The following CACNA2D3 variants were observed in gnomAD, a reference collection of about 807,000 sequenced individuals.
CACNA2D3 encodes the protein voltage-dependent calcium channel subunit alpha-2/delta-3.
A neutral mutation model predicts 160.6 loss-of-function variants in CACNA2D3; 60 were observed. That is an observed-to-expected ratio of 0.37 (90% confidence interval 0.30 to 0.46). The LOEUF is 0.46. Ranked by LOEUF, CACNA2D3 falls within the 20% of genes least tolerant of loss-of-function variation. The pLI, the probability that CACNA2D3 is intolerant of heterozygous loss-of-function variation, is 1.00. For missense variants in CACNA2D3, 1,205 were observed against 1,365.0 expected, an observed-to-expected ratio of 0.88 and a Z score of 1.85; for synonymous variants, 558 against 492.9, an observed-to-expected ratio of 1.13 and a Z score of -1.75.
chr3:54,301,930 TA>T (rs775793662), intron 2 of CACNA2D3, among the ~76,000 whole-genome samples: 4 of 152,192 alleles, frequency 2.6e-5, no homozygotes, highest in Non-Finnish European at 5.9e-5. Context: ...ATGTACATTA[TA>T]GAATATATAA....
chr3:54,384,453 A>G (rs562610087), intron 3 of CACNA2D3, among the ~76,000 whole-genome samples: 10 of 152,294 alleles, frequency 6.6e-5, no homozygotes, highest in Admixed American at 6.5e-4. Flanking sequence ...CTTTCTTTTT[A>G]TATATCACTG....
At position 54,816,879 on chromosome 3, in the gene CACNA2D3, T is replaced by C. The variant is rs770779317; in HGVS notation, c.1398+9T>C. 1.2e-6 allele frequency: 2 copies of C among 1,613,858 alleles called. No homozygotes were observed. The highest frequency in any genetic ancestry group is 1.7e-6 in the Non-Finnish European group (2 of 1,179,840). The stretch of plus-strand genomic sequence containing the variant: ...TCCCTCAGGCACAAAAGGTAAATTC[T>C]CTTCTGTCACATTCCAGTCACCCCC... On this transcript the variant is annotated intron_variant, in intron 14 of 37. Transcript: ENST00000474759.
At chr3:54,708,306 G>A (rs765591684) in intron 11 of CACNA2D3, among the ~76,000 whole-genome samples, 3 of 152,152 alleles carry the variant, frequency 2.0e-5, no homozygotes, top group Admixed American at 6.5e-5. Context: ...GATGGCAGGC[G>A]AAAACTGTTT....
At chr3:54,302,484 A>G (rs1703500796) in intron 2 of CACNA2D3, among the ~76,000 whole-genome samples, 1 of 152,174 alleles carries the variant, frequency 6.6e-6, no homozygotes, top group Non-Finnish European at 1.5e-5. Context: ...CAAGTATAAG[A>G]TGGAAAGAGC....
At chr3:54,448,994 A>G (rs1223809112) in intron 4 of CACNA2D3, among the ~76,000 whole-genome samples, 4 of 152,204 alleles carry the variant, frequency 2.6e-5, no homozygotes, top group Non-Finnish European at 1.5e-5. Context: ...TCTTGAATTT[A>G]TTTATTTTAG....
At chr3:54,461,502 T>C (rs1193434182) in intron 4 of CACNA2D3, among the ~76,000 whole-genome samples, 1 of 151,482 alleles carries the variant, frequency 6.6e-6, no homozygotes, top group Non-Finnish European at 1.5e-5. Flanking sequence ...GGTTTAGTCT[T>C]GGGAGGGTGT....
At chr3:54,502,102 T>C (rs1272977525) in intron 4 of CACNA2D3, among the ~76,000 whole-genome samples, 7 of 152,238 alleles carry the variant, frequency 4.6e-5, no homozygotes, top group Non-Finnish European at 7.3e-5. Flanking sequence ...ATATGATATG[T>C]GTAGATGTAA....
chr3:54,344,997 A>G (rs1272114947), intron 3 of CACNA2D3, among the ~76,000 whole-genome samples: 2 of 152,206 alleles, frequency 1.3e-5, no homozygotes, highest in Admixed American at 1.3e-4. Flanking sequence ...GAGCGCCATG[A>G]CAGTTTACAA....
Position 54,646,126 on chromosome 3 carries a change from T to TCTTC in CACNA2D3, c.1167+3907_1167+3910dup, listed in dbSNP as rs375699594. The stretch of plus-strand genomic sequence containing the variant: ...GTTTTCCTTCCTTCCTTCCTTCCTT[T>TCTTC]CTTCCTTCCTTCCTTCCTTCCTTCC... On this transcript the variant is annotated intron_variant, in intron 11 of 37. Coordinates refer to ENST00000474759, the MANE Select transcript of CACNA2D3 (RefSeq NM_018398.3). Among the ~76,000 whole-genome samples, 12 of 60,246 alleles carry TCTTC rather than the reference T, an allele frequency of 2.0e-4. 1 individual carries two copies. Among genetic ancestry groups the TCTTC allele is most frequent in the African/African-American group, 6.4e-4 (9 of 13,998 alleles). The allele number at this position is 60,246 out of a possible 152,430, so 39.5% of individuals were successfully genotyped here. A position where few individuals can be genotyped will look rare whatever the true frequency, so the allele number is the denominator to read the frequency against.
intron 11 of CACNA2D3, among the ~76,000 whole-genome samples, chr3:54,743,770 T>C (rs1701697303): frequency 6.6e-6 from 1 of 152,154 alleles, no homozygotes; most frequent in Admixed American, 6.5e-5. Flanking sequence ...TCTCAGTGTT[T>C]TGGAGGGCAA....
intron 27 of CACNA2D3, among the ~76,000 whole-genome samples, chr3:54,951,634 G>A (rs745510295): frequency 1.8e-4 from 27 of 151,854 alleles, no homozygotes; most frequent in Admixed American, 7.9e-4. Context: ...TGAGTCAGGC[G>A]TGCAGGGCTC....
At chr3:54,986,278 A>G (rs1280059893) in intron 30 of CACNA2D3, among the ~76,000 whole-genome samples, 1 of 152,076 alleles carries the variant, frequency 6.6e-6, no homozygotes, top group Non-Finnish European at 1.5e-5. Context: ...TCTCTGCTCT[A>G]TGTCTCCATG....
At chr3:54,362,221 G>A (rs529643435) in intron 3 of CACNA2D3, among the ~76,000 whole-genome samples, 2 of 152,152 alleles carry the variant, frequency 1.3e-5, no homozygotes, top group Admixed American at 6.5e-5. Flanking sequence ...AAGTGTCGGC[G>A]AGGACGAAGG....
At chr3:54,349,436 A>G (rs1053539687) in intron 3 of CACNA2D3, among the ~76,000 whole-genome samples, 2 of 152,212 alleles carry the variant, frequency 1.3e-5, no homozygotes, top group African/African-American at 4.8e-5. Flanking sequence ...GGAGCCTATC[A>G]GCAATACCAG....
At chr3:54,832,941 C>G (rs1703911245) in intron 14 of CACNA2D3, among the ~76,000 whole-genome samples, 1 of 152,174 alleles carries the variant, frequency 6.6e-6, no homozygotes, top group Non-Finnish European at 1.5e-5. Context: ...TCTCTGGGGT[C>G]ATGCCCTAGG....
chr3:54,548,094 G>C (rs191463057), intron 5 of CACNA2D3, among the ~76,000 whole-genome samples: 5 of 152,310 alleles, frequency 3.3e-5, no homozygotes, highest in Middle Eastern at 3.4e-3. Flanking sequence ...GAGTGACTGA[G>C]GAGGGGAACT....
chr3:54,427,717 A>G (rs1417192106), intron 4 of CACNA2D3, among the ~76,000 whole-genome samples: 1 of 152,218 alleles, frequency 6.6e-6, no homozygotes, highest in Non-Finnish European at 1.5e-5. Flanking sequence ...CTCAGGCACT[A>G]TGCTGATGAT....
Position 54,974,675 on chromosome 3 carries a change from C to T in CACNA2D3, c.2556+4831C>T, listed in dbSNP as rs569699810. ...TTGCAGGAAGATGCCTTTTTTAAAA[C>T]ATCAACTTCCCTCTGTGCTCTCCAC... On this transcript the variant is annotated intron_variant, in intron 29 of 37. Coordinates refer to ENST00000474759, the MANE Select transcript of CACNA2D3 (RefSeq NM_018398.3). Among the ~76,000 whole-genome samples the T allele has an allele frequency of 8.5e-4, 129 of 152,326 alleles. 1 individual carries two copies. The highest frequency in any genetic ancestry group is 3.0e-3 in the African/African-American group (125 of 41,578).
intron 27 of CACNA2D3, among the ~76,000 whole-genome samples, chr3:54,911,734 A>T (rs1056335679): frequency 1.3e-5 from 2 of 152,036 alleles, no homozygotes; most frequent in African/African-American, 2.4e-5. Flanking sequence ...TTTATTCTTC[A>T]TATGAGCCAC....
Sources: gnomAD v4.1 joint callset for allele counts (sites outside exome capture counted in the v4.1 genomes callset) on GRCh38, gnomAD v4.1.1 for gene constraint, MANE v1.5 for transcripts, NCBI Gene and HGNC (gene_info 2026-07-23, HGNC 2026-07-21) for gene names.